The following L3MBTL4 variants were observed in gnomAD, a reference collection of about 807,000 sequenced individuals.
L3MBTL4 encodes lethal(3)malignant brain tumor-like protein 4.
A neutral mutation model predicts 84.5 loss-of-function variants in L3MBTL4; 70 were observed. That is an observed-to-expected ratio of 0.83 (90% CI 0.68 to 1.01). L3MBTL4 has a LOEUF of 1.01. Ranked by LOEUF, L3MBTL4 falls within the 50% of genes least tolerant of loss-of-function variation. The probability of loss-of-function intolerance (pLI) is 0.00; values close to 1 mark genes in which losing one functional copy is unlikely to be tolerated. For missense variants in L3MBTL4, 715 were observed against 754.8 expected (o/e 0.95, Z 0.62); for synonymous variants, 274 against 259.8 (o/e 1.05, Z -0.52).
chr18:6,190,730 T>C (rs73383938), intron 12 of L3MBTL4, among the ~76,000 whole-genome samples: 3 of 152,074 alleles, frequency 2.0e-5, no homozygotes, highest in African/African-American at 7.2e-5. Context: ...ATATTAAAAG[T>C]TGGTAAAAGC....
intron 1 of L3MBTL4, among the ~76,000 whole-genome samples, chr18:6,372,952 T>C (rs1250278634): frequency 6.6e-6 from 1 of 152,210 alleles, no homozygotes; most frequent in Non-Finnish European, 1.5e-5. Context: ...CAATCAATGG[T>C]TGTTAAGTGC....
chr18:6,289,000 C>G (rs1467664104), intron 4 of L3MBTL4, among the ~76,000 whole-genome samples: 1 of 151,524 alleles, frequency 6.6e-6, no homozygotes, highest in Admixed American at 6.6e-5. Context: ...ATACTTAGGT[C>G]TAATAATCAA....
At chr18:6,168,077 T>C (rs907555441) in intron 13 of L3MBTL4, among the ~76,000 whole-genome samples, 17 of 152,278 alleles carry the variant, frequency 1.1e-4, no homozygotes, top group African/African-American at 4.1e-4. Context: ...CCATTCACAA[T>C]TGCTTCAAAG....
chr18:6,291,403 A>C (rs1172528743), intron 4 of L3MBTL4, among the ~76,000 whole-genome samples: 1 of 152,186 alleles, frequency 6.6e-6, no homozygotes, highest in African/African-American at 2.4e-5. Flanking sequence ...AATCCTGAGC[A>C]AAAAGAGCAA....
intron 1 of L3MBTL4, among the ~76,000 whole-genome samples, chr18:6,345,322 G>A (rs1029396795): frequency 3.5e-4 from 53 of 151,106 alleles, no homozygotes; most frequent in African/African-American, 1.0e-3. Context: ...GCTTTAACCC[G>A]TGAGGCGGAG....
In L3MBTL4 at chr18:6,102,135, T is replaced by C. The variant is rs117683128; in HGVS notation, c.1200-8607A>G. ...AATTTCTTAAAATCAGAGGCTGTAA[T>C]TGTTTATCAGCTTGAACTGAGTAAA... On this transcript the variant is annotated intron_variant, in intron 14 of 18. Coordinates refer to ENST00000317931, the MANE Select transcript of L3MBTL4 (RefSeq NM_001330559.2). Among the ~76,000 whole-genome samples the C allele has an allele frequency of 5.2e-3, 786 of 152,336 alleles. 7 individuals are homozygous for C. Among genetic ancestry groups the C allele is most frequent in the South Asian group, 0.012 (56 of 4,830 alleles).
In L3MBTL4 at chr18:6,413,796, A is replaced by G. The variant is rs139068275; in HGVS notation, c.-91+1005T>C. Among the ~76,000 whole-genome samples the G allele has an allele frequency of 8.5e-5, 13 of 152,366 alleles. No individual in the cohort carries two copies. The East Asian group carries it at 1.7e-3, about 20-fold the overall frequency. ...AGCTGCCTTCCTCTGACTGTTAAGTACAGCAGTCTCAACAGTAACAATGAC... is the reference window on the plus strand; with the variant it reads ...AGCTGCCTTCCTCTGACTGTTAAGTGCAGCAGTCTCAACAGTAACAATGAC... On this transcript the variant is annotated intron_variant, in intron 1 of 18. Transcript: ENST00000317931.
intron 16 of L3MBTL4, among the ~76,000 whole-genome samples, chr18:6,003,108 GAGATACTATATAAAATATAGTATCTCTA>G (rs2054300624): frequency 1.0e-5 from 1 of 98,746 alleles, no homozygotes; most frequent in Non-Finnish European, 2.0e-5. Flanking sequence ...TCTATTTATA[GAGATACTATATAAAATATAGTATCTCTA>G]TTTATAGAGA....
intron 14 of L3MBTL4, among the ~76,000 whole-genome samples, chr18:6,125,374 G>A (rs1197975438): frequency 6.6e-6 from 1 of 152,098 alleles, no homozygotes; most frequent in Non-Finnish European, 1.5e-5. Flanking sequence ...AAAGGCTCTT[G>A]GATGGGATTT....
chr18:6,187,763 T>C (rs1399964730), intron 12 of L3MBTL4, among the ~76,000 whole-genome samples: 1 of 152,100 alleles, frequency 6.6e-6, no homozygotes, highest in Non-Finnish European at 1.5e-5. Context: ...TGTTTGCAAT[T>C]AACATGTTTG....
chr18:6,177,971 C>T (rs2145299511), intron 12 of L3MBTL4, among the ~76,000 whole-genome samples: 1 of 152,186 alleles, frequency 6.6e-6, no homozygotes, highest in Non-Finnish European at 1.5e-5. Context: ...GAAGTTGTGT[C>T]AAAGCACAAA....
chr18:6,029,677 C>T, intron 16 of L3MBTL4: 1 of 985,250 alleles, frequency 1.0e-6, no homozygotes, highest in Non-Finnish European at 1.2e-6. Flanking sequence ...ATGGGAACAG[C>T]TTACTATGGT....
intron 1 of L3MBTL4, among the ~76,000 whole-genome samples, chr18:6,318,685 G>A (rs1008547089): frequency 5.3e-5 from 8 of 151,678 alleles, no homozygotes; most frequent in Non-Finnish European, 1.0e-4. Context: ...TAATACTGGG[G>A]GACTTCAACA....
intron 16 of L3MBTL4, among the ~76,000 whole-genome samples, chr18:5,988,019 G>A (rs548363841): frequency 3.2e-4 from 48 of 152,256 alleles, no homozygotes; most frequent in African/African-American, 1.1e-3. Flanking sequence ...AACACTGTAA[G>A]TTATTAGAAA....
chr18:6,300,614 G>C (rs1287906004), intron 4 of L3MBTL4, among the ~76,000 whole-genome samples: 2 of 152,144 alleles, frequency 1.3e-5, no homozygotes, highest in East Asian at 3.9e-4. Flanking sequence ...AAAAACGTTA[G>C]TTTGAAGGAC....
At chr18:6,374,611 A>G (rs2144243997) in intron 1 of L3MBTL4, among the ~76,000 whole-genome samples, 1 of 152,314 alleles carries the variant, frequency 6.6e-6, no homozygotes, top group Middle Eastern at 3.4e-3. Flanking sequence ...GCTTCATTAA[A>G]GTCAAATCAC....
intron 1 of L3MBTL4, among the ~76,000 whole-genome samples, chr18:6,316,106 A>G (rs1358937930): frequency 7.5e-6 from 1 of 134,046 alleles, no homozygotes; most frequent in African/African-American, 2.8e-5. Flanking sequence ...GGGAGACATA[A>G]GGAAACAGTT....
At chr18:6,187,507 A>G (rs1437110945) in intron 12 of L3MBTL4, among the ~76,000 whole-genome samples, 1 of 152,172 alleles carries the variant, frequency 6.6e-6, no homozygotes, top group Non-Finnish European at 1.5e-5. Context: ...GCTTCTGAGG[A>G]ATAAGAAGAT....
chr18:6,083,225 G>T (rs556428281), intron 15 of L3MBTL4, among the ~76,000 whole-genome samples: 43 of 152,326 alleles, frequency 2.8e-4, no homozygotes, highest in Non-Finnish European at 5.4e-4. Flanking sequence ...CACAGGCAGA[G>T]ACTTGACTGT....
Sources: gnomAD v4.1 joint callset for allele counts (sites outside exome capture counted in the v4.1 genomes callset) on GRCh38, gnomAD v4.1.1 for gene constraint, MANE v1.5 for transcripts, NCBI Gene and HGNC (gene_info 2026-07-23, HGNC 2026-07-21) for gene names.